NEIL2: variants seen among roughly 807,000 people sequenced by gnomAD.
NEIL2 encodes nei like DNA glycosylase 2, also known as endonuclease 8-like 2.
NEIL2 carries 23 observed loss-of-function variants against 22.2 expected under a neutral mutation model. The observed-to-expected ratio is 1.04, with a 90% CI of 0.75 to 1.47. NEIL2 has a LOEUF of 1.47. Ranked by LOEUF, NEIL2 falls within the 40% of genes most tolerant of loss-of-function variation. The pLI is 0.00. For missense variants in NEIL2, 583 were observed against 404.7 expected, an observed-to-expected ratio of 1.44 and a Z score of -3.78; for synonymous variants, 229 against 164.8, an observed-to-expected ratio of 1.39 and a Z score of -2.99.
Position 11,771,479 on chromosome 8 carries a change from A to C in NEIL2, c.32A>C (p.His11Pro). 1.2e-6 allele frequency: 2 copies of C among 1,613,926 alleles called. No homozygotes were observed. The highest frequency in any genetic ancestry group is 1.7e-5 in the Admixed American group (1 of 60,018). MPEGPLVRKF[H>P]HLVSPFVGQQ... ...GAAGGGCCGTTGGTGAGGAAATTTCACCATTTGGTCTCCCCCTTTGTGGGT... is the reference window on the plus strand; with the variant it reads ...GAAGGGCCGTTGGTGAGGAAATTTCCCCATTTGGTCTCCCCCTTTGTGGGT... Residue 11 changes from histidine to proline, a missense_variant, in exon 2 of 5, where the codon CAC becomes CCC. By Grantham distance (77) the His-to-Pro change is moderately conservative (BLOSUM62 -2). Coordinates refer to ENST00000284503, the MANE Select transcript of NEIL2 (RefSeq NM_145043.4).
intron 3 of NEIL2, chr8:11,782,688 C>A (rs1216046524): frequency 1.0e-5 from 2 of 195,606 alleles, no homozygotes; most frequent in East Asian, 2.1e-4. Context: ...ATTATAAAAT[C>A]AAAAATTAAA....
rs8191664 is a variant in NEIL2, at chr8:11,786,044, G to T, written c.770G>T (p.Arg257Leu). 35,161 of 1,614,080 alleles carry T rather than the reference G, an allele frequency of 0.022. 1,531 individuals are homozygous for T. The East Asian group carries it at 0.22, about 10-fold the overall frequency. ...GGTTCAGTCCTGAGTGCCTCGCGTC[G>T]GGAGGTCCTGGTGGATCACGTGGTG... ...SLGSVLSASR[R>L]EVLVDHVVEF... The change falls in exon 5 of 5, where the codon CGG (arginine) becomes CTG (leucine). Residue 257 changes from arginine (R) to leucine (L), a missense_variant. By Grantham distance (102) the Arg-to-Leu change is moderately radical. Coordinates refer to ENST00000284503, the MANE Select transcript of NEIL2 (RefSeq NM_145043.4).
intron 2 of NEIL2, among the ~76,000 whole-genome samples, chr8:11,777,428 G>A (rs1804002723): frequency 6.7e-6 from 1 of 150,042 alleles, no homozygotes; most frequent in Non-Finnish European, 1.5e-5. Flanking sequence ...CCATTTTAAA[G>A]TATATAGTTC....
chr8:11,771,549 C>T lies in NEIL2; in HGVS notation c.102C>T (p.Pro34=), dbSNP rs781314338. The T allele has an allele frequency of 5.6e-6, 9 of 1,613,926 alleles. No homozygotes were observed. Among genetic ancestry groups the T allele is most frequent in the Admixed American group, 3.3e-5 (2 of 59,988 alleles). Residue 34 remains proline, a synonymous_variant, in exon 2 of 5, where the codon CCC becomes CCT. Transcript: ENST00000284503. Reference sequence around the variant, plus strand: ...GGGGCAGCAGTAAGAAGCTACAGCCCGCCAGCCTGCAGTCTCTGTGGCTCC... The same window carrying T: ...GGGGCAGCAGTAAGAAGCTACAGCCTGCCAGCCTGCAGTCTCTGTGGCTCC... ...KTGGSSKKLQ[P]ASLQSLWLQD... is the part of the protein sequence containing the mutation.
intron 2 of NEIL2, among the ~76,000 whole-genome samples, chr8:11,779,291 A>G (rs1346894658): frequency 6.6e-6 from 1 of 152,206 alleles, no homozygotes; most frequent in Non-Finnish European, 1.5e-5. Context: ...ACTTATGTTC[A>G]TTTCTTAGCT....
At chr8:11,782,893 A>G (rs892751470) in intron 3 of NEIL2, 9 of 418,664 alleles carry the variant, frequency 2.1e-5, no homozygotes, top group Admixed American at 3.7e-5. Flanking sequence ...AGTGTGCTCT[A>G]TGTTGTGGTA....
intron 2 of NEIL2, 121 bp downstream of exon 2, chr8:11,771,706 C>T: frequency 4.2e-6 from 4 of 953,766 alleles, no homozygotes; most frequent in Non-Finnish European, 6.3e-6. Context: ...GCTCGGACTC[C>T]ATGCAGCTCC....
chr8:11,778,943 G>GAAAAAAA (rs57173797), intron 2 of NEIL2, among the ~76,000 whole-genome samples: 687 of 44,374 alleles, frequency 0.015, 80 homozygotes, highest in Middle Eastern at 0.052. Context: ...GACTCCATCT[G>GAAAAAAA]AAAAAAAAAA....
At position 11,786,050 on chromosome 8, in the gene NEIL2, T is replaced by G; in HGVS notation, c.776T>G (p.Val259Gly). Residue 259 changes from valine to glycine, a missense_variant, in exon 5 of 5, where the codon GTC becomes GGC. Physicochemically the swap from Val to Gly is moderately radical, Grantham distance 109 (BLOSUM62 -3). Coordinates refer to ENST00000284503, the MANE Select transcript of NEIL2 (RefSeq NM_145043.4). ...GSVLSASRREVLVDHVVEFST... is the reference protein window; with the variant it reads ...GSVLSASRREGLVDHVVEFST... ...GTCCTGAGTGCCTCGCGTCGGGAGGTCCTGGTGGATCACGTGGTGGAGTTC... is the reference window on the plus strand; with the variant it reads ...GTCCTGAGTGCCTCGCGTCGGGAGGGCCTGGTGGATCACGTGGTGGAGTTC... 6.2e-7 allele frequency: 1 copy of G among 1,613,952 alleles called. No homozygotes were observed. Among genetic ancestry groups the G allele is most frequent in the Non-Finnish European group, 8.5e-7 (1 of 1,180,000 alleles).
At chr8:11,784,862 T>C (rs1431091597) in intron 4 of NEIL2, among the ~76,000 whole-genome samples, 4 of 152,142 alleles carry the variant, frequency 2.6e-5, no homozygotes, top group Non-Finnish European at 5.9e-5. Flanking sequence ...GCATTATGCT[T>C]GGTATTTCAT....
rs1448229072 is a variant in NEIL2, at chr8:11,770,340, GCAGCGTTTGGCACGTCTCCTTC to G, written c.-3+10_-3+31del. On this transcript the variant is annotated splice_donor_region_variant and intron_variant, in intron 1 of 4. Transcript: ENST00000284503. ...TCAGGCATCCAACTGGTTAAGGTCA[GCAGCGTTTGGCACGTCTCCTTC>G]CAGCCTGGCGGTTTTGTCAGGATTC... is the stretch of plus-strand genomic sequence containing the variant. The G allele has an allele frequency of 6.6e-6, 1 of 152,210 alleles. No individual in the cohort carries two copies. The highest frequency in any genetic ancestry group is 2.4e-5 in the African/African-American group (1 of 41,436). 9.4% of individuals were successfully genotyped at this position (152,210 alleles called of 1,614,324 possible). A position where few individuals can be genotyped will look rare whatever the true frequency, so the allele number is the denominator to read the frequency against.
At chr8:11,784,622 C>G (rs570142397) in intron 4 of NEIL2, among the ~76,000 whole-genome samples, 1 of 152,330 alleles carries the variant, frequency 6.6e-6, no homozygotes, top group Admixed American at 6.5e-5. Flanking sequence ...ACGCTCACCA[C>G]CTCTCCTTAA....
At chr8:11,776,060 G>T (rs1803881529) in intron 2 of NEIL2, among the ~76,000 whole-genome samples, 1 of 152,182 alleles carries the variant, frequency 6.6e-6, no homozygotes, top group Non-Finnish European at 1.5e-5. Context: ...GTATTAGTCT[G>T]TTCTCATGCT....
intron 2 of NEIL2, among the ~76,000 whole-genome samples, chr8:11,773,105 AC>A (rs1309214548): frequency 6.6e-6 from 1 of 152,162 alleles, no homozygotes; most frequent in Non-Finnish European, 1.5e-5. Flanking sequence ...GGCCTCCAGG[AC>A]TGTGGCCTCT....
intron 3 of NEIL2, among the ~76,000 whole-genome samples, chr8:11,781,027 T>G (rs1318775785): frequency 6.6e-6 from 1 of 152,186 alleles, no homozygotes; most frequent in Non-Finnish European, 1.5e-5. Flanking sequence ...AATTTTTATA[T>G]CATCAACGGT....
chr8:11,784,406 T>A (rs1039911163), intron 4 of NEIL2, among the ~76,000 whole-genome samples: 1 of 152,266 alleles, frequency 6.6e-6, no homozygotes, highest in Non-Finnish European at 1.5e-5. Flanking sequence ...TATAGTGCTT[T>A]TCCCTTCCTT....
At chr8:11,771,289 C>G (rs765965257) in intron 1 of NEIL2, among the ~76,000 whole-genome samples, 157 bp from the exon 2 acceptor site, 9 of 152,226 alleles carry the variant, frequency 5.9e-5, no homozygotes, top group Non-Finnish European at 1.3e-4. Flanking sequence ...TCTCTATGAT[C>G]TGACCGCCTC....
At chr8:11,784,845 A>G (rs550989731) in intron 4 of NEIL2, among the ~76,000 whole-genome samples, 21 of 152,364 alleles carry the variant, frequency 1.4e-4, no homozygotes, top group African/African-American at 4.1e-4. Flanking sequence ...CACTTTCTAC[A>G]TAACAAGCAT....
intron 2 of NEIL2, 32 bp from the exon 3 acceptor site, chr8:11,779,566 G>T (rs1426630611): frequency 1.3e-6 from 2 of 1,530,156 alleles, no homozygotes; most frequent in South Asian, 1.1e-5. Flanking sequence ...CTCTGGGTCT[G>T]TAAGGCTTGG....
Sources: allele counts gnomAD v4.1 joint callset (sites outside exome capture counted in the v4.1 genomes callset), GRCh38; gene constraint gnomAD v4.1.1; transcripts MANE v1.5; gene names NCBI Gene and HGNC (gene_info 2026-07-23, HGNC 2026-07-21).